Variants in LCOR observed in about 807,000 individuals in gnomAD.
The protein encoded by LCOR is ligand dependent nuclear receptor corepressor, also known as ligand-dependent corepressor.
In LCOR, 14 loss-of-function variants were observed where a neutral mutation model predicts 64.4. The ratio of observed to expected loss-of-function variants is 0.22; its 90% CI spans 0.14 to 0.34. The LOEUF (loss-of-function observed/expected upper bound fraction) is 0.34, where lower values mean the gene tolerates loss of function less well. Ranked by LOEUF, LCOR falls within the 10% of genes least tolerant of loss-of-function variation. The pLI is 1.00. For synonymous variants in LCOR, 643 were observed against 642.5 expected (o/e 1.00, Z -0.01); for missense variants, 1,686 against 1,765.3 (o/e 0.96, Z 0.80).
At chr10:96,839,942 G>C (rs1431356324) in intron 2 of LCOR, among the ~76,000 whole-genome samples, 2 of 152,178 alleles carry the variant, frequency 1.3e-5, no homozygotes, top group Non-Finnish European at 2.9e-5. Flanking sequence ...TGGCCTCCCA[G>C]AGTGCTGGGA....
At chr10:96,958,917 A>AAT (rs1484544795) in intron 7 of LCOR, 1 of 152,156 alleles carries the variant, frequency 6.6e-6, no homozygotes, top group African/African-American at 2.4e-5. Flanking sequence ...AAAAAAAAAA[A>AAT]AAAAAAAAAA....
At chr10:96,969,783 T>TC (rs1334044077) in intron 7 of LCOR, among the ~76,000 whole-genome samples, 1 of 144,080 alleles carries the variant, frequency 6.9e-6, no homozygotes, top group African/African-American at 2.6e-5. Flanking sequence ...TCTTTTTTTT[T>TC]TTTTTTCTTT....
chr10:96,870,695 T>C (rs534198868), intron 2 of LCOR, among the ~76,000 whole-genome samples: 1 of 152,356 alleles, frequency 6.6e-6, no homozygotes, highest in African/African-American at 2.4e-5. Context: ...GATAAAATTC[T>C]TTCATCATGT....
chr10:96,840,452 T>G (rs1845520644), intron 2 of LCOR, among the ~76,000 whole-genome samples: 1 of 152,192 alleles, frequency 6.6e-6, no homozygotes, highest in South Asian at 2.1e-4. Flanking sequence ...ATGTGTAATG[T>G]GCATTTGTTA....
intron 4 of LCOR, among the ~76,000 whole-genome samples, chr10:96,929,272 A>C (rs1393755110): frequency 6.6e-6 from 1 of 152,212 alleles, no homozygotes; most frequent in African/African-American, 2.4e-5. Context: ...CTACATTGAA[A>C]ATCTGTTGTT....
At chr10:96,833,836 C>G (rs963304017) in intron 2 of LCOR, among the ~76,000 whole-genome samples, 1 of 152,150 alleles carries the variant, frequency 6.6e-6, no homozygotes, top group African/African-American at 2.4e-5. Context: ...GCGGCAATTT[C>G]ATGCGGTGAG....
At position 96,986,603 on chromosome 10, in the gene LCOR, C is replaced by T. The variant is rs567804505; in HGVS notation, c.*1469C>T. ...TTTTAATGACTTTGTTTGCCTTTCC[C>T]AGGTGAAGCCTGAGACAGGCGCATT... On this transcript the variant is annotated 3_prime_UTR_variant, in exon 8 of 8. Coordinates refer to ENST00000421806, the MANE Select transcript of LCOR (RefSeq NM_001346516.2). The T allele has an allele frequency of 2.0e-5, 3 of 152,340 alleles. No individual in the cohort carries two copies. In the East Asian group the frequency reaches 5.8e-4, roughly 29 times the overall value. The allele number at this position is 152,340 out of a possible 1,614,324, so 9.4% of individuals were successfully genotyped here. A position where few individuals can be genotyped will look rare whatever the true frequency, so the allele number is the denominator to read the frequency against.
intron 5 of LCOR, among the ~76,000 whole-genome samples, chr10:96,945,599 T>C (rs1342968441): frequency 6.6e-6 from 1 of 152,134 alleles, no homozygotes; most frequent in Non-Finnish European, 1.5e-5. Flanking sequence ...GAACATCTGA[T>C]TGTTAAAAGC....
chr10:96,981,511 G>T lies in LCOR; in HGVS notation c.1051G>T (p.Ala351Ser), dbSNP rs1221545312. The T allele has an allele frequency of 6.2e-7, 1 of 1,614,198 alleles. No individual in the cohort carries two copies. Among genetic ancestry groups the T allele is most frequent in the East Asian group, 2.2e-5 (1 of 44,892 alleles). Residue 351 changes from alanine (A) to serine (S), a missense_variant, in exon 8 of 8, where the codon GCT becomes TCT. Ala to Ser is a moderately conservative substitution (Grantham distance 99). Coordinates refer to ENST00000421806, the MANE Select transcript of LCOR (RefSeq NM_001346516.2). ...RNLFKALSEEAWNSGFMGNSS... is the reference protein window; with the variant it reads ...RNLFKALSEESWNSGFMGNSS... ...TTTGTTCAAAGCTTTATCAGAAGAG[G>T]CTTGGAACTCAGGGTTTATGGGGAA...
chr10:96,957,238 C>T (rs1486884068), intron 7 of LCOR: 3 of 984,352 alleles, frequency 3.0e-6, no homozygotes, highest in South Asian at 4.7e-5. Context: ...TACATAATAC[C>T]CCCCTTCTTG....
intron 4 of LCOR, among the ~76,000 whole-genome samples, chr10:96,939,895 G>A (rs1298909104): frequency 6.6e-6 from 1 of 152,180 alleles, no homozygotes; most frequent in Non-Finnish European, 1.5e-5. Context: ...TCCAGGAGGC[G>A]GAGGTTGCAG....
intron 2 of LCOR, among the ~76,000 whole-genome samples, chr10:96,838,519 T>G (rs1845484660): frequency 6.6e-6 from 1 of 152,246 alleles, no homozygotes; most frequent in Admixed American, 6.5e-5. Context: ...CTACTATAAT[T>G]TGTTTTCTGT....
intron 4 of LCOR, among the ~76,000 whole-genome samples, chr10:96,916,789 A>G (rs1196817031): frequency 1.3e-5 from 2 of 151,674 alleles, no homozygotes; most frequent in South Asian, 2.1e-4. Flanking sequence ...TAATTTTTGT[A>G]TTTTTAGTAG....
chr10:96,874,452 A>G (rs906819862), intron 2 of LCOR, among the ~76,000 whole-genome samples: 4 of 152,168 alleles, frequency 2.6e-5, no homozygotes, highest in African/African-American at 9.7e-5. Context: ...TATTTTACCC[A>G]ATTTATCTCC....
At chr10:96,849,309 G>A (rs1405664461) in intron 2 of LCOR, among the ~76,000 whole-genome samples, 4 of 151,890 alleles carry the variant, frequency 2.6e-5, no homozygotes, top group East Asian at 1.9e-4. Context: ...TCCTGATCTC[G>A]TGATCCACCC....
intron 4 of LCOR, among the ~76,000 whole-genome samples, chr10:96,938,381 AAC>A (rs1847389672): frequency 2.0e-5 from 3 of 152,210 alleles, no homozygotes; most frequent in African/African-American, 4.8e-5. Flanking sequence ...TGTAAAAACA[AAC>A]ACAACAAACT....
chr10:96,833,576 C>T (rs190143051), intron 2 of LCOR, 97 bp downstream of exon 2: 1 of 425,658 alleles, frequency 2.3e-6, no homozygotes, highest in Non-Finnish European at 3.1e-6. Context: ...TTGTTACTTC[C>T]CCGTCTTTGC....
rs545612062 is a variant in LCOR at position 96,958,557 on chromosome 10, A to C, written c.332+6361A>C. On this transcript the variant is annotated intron_variant, in intron 7 of 7. Transcript: ENST00000421806. Reference sequence around the variant, plus strand: ...TACTTCTATTATTTGTTTTGGTTAGAAAGTGAATTTAAAAAACAAACCAAA... The same window carrying C: ...TACTTCTATTATTTGTTTTGGTTAGCAAGTGAATTTAAAAAACAAACCAAA... The C allele has an allele frequency of 7.4e-5, 49 of 665,888 alleles. No homozygotes were observed. The African/African-American group carries it at 7.4e-4, about 10-fold the overall frequency. 41.2% of individuals were successfully genotyped at this position (665,888 alleles called of 1,614,324 possible). A position where few individuals can be genotyped will look rare whatever the true frequency, so the allele number is the denominator to read the frequency against.
At position 96,869,468 on chromosome 10, in the gene LCOR, G is replaced by T. The variant is rs527693902; in HGVS notation, c.-330+35989G>T. ...GGCCTCAAGTAATCTGCCTACCTTG[G>T]CCTCCCAAAGTGTTAGGATTACAGG... On this transcript the variant is annotated intron_variant, in intron 2 of 7. Coordinates refer to ENST00000421806, the MANE Select transcript of LCOR (RefSeq NM_001346516.2). Among the ~76,000 whole-genome samples, 248 of 152,204 alleles carry T rather than the reference G, an allele frequency of 1.6e-3. 1 individual carries two copies. Among genetic ancestry groups the T allele is most frequent in the Non-Finnish European group, 3.0e-3 (204 of 68,026 alleles).
Sources: allele counts gnomAD v4.1 joint callset (sites outside exome capture counted in the v4.1 genomes callset), GRCh38; gene constraint gnomAD v4.1.1; transcripts MANE v1.5; gene names NCBI Gene and HGNC (gene_info 2026-07-23, HGNC 2026-07-21).